Variants in IMMP2L observed in about 807,000 individuals in gnomAD.
IMMP2L encodes inner mitochondrial membrane peptidase subunit 2.
In IMMP2L, 18 loss-of-function variants were observed where a neutral mutation model predicts 19.3. The ratio of observed to expected loss-of-function variants is 0.93; its 90% CI spans 0.64 to 1.38. The LOEUF (loss-of-function observed/expected upper bound fraction) is 1.38. Among genes scored for constraint, IMMP2L ranks in the 40% most tolerant of loss-of-function variants. IMMP2L has a pLI of 0.00. For missense variants in IMMP2L, 233 were observed against 218.2 expected (o/e 1.07, Z -0.43); for synonymous variants, 76 against 73.0 (o/e 1.04, Z -0.21).
rs141448866 is a variant in IMMP2L at position 111,415,177 on chromosome 7, G to C, written c.239+72061C>G. 2.4e-4 allele frequency among the ~76,000 whole-genome samples: 36 copies of C among 151,878 alleles called. 1 individual carries two copies. Among genetic ancestry groups the C allele is most frequent in the African/African-American group, 8.5e-4 (35 of 41,212 alleles). ...GGTCTTAAAGAAGGGGGCCTGTATA[G>C]GAGCCATGTAGCAAGGACTTACAGG... On this transcript the variant is annotated intron_variant, in intron 3 of 5. Transcript: ENST00000405709.
At chr7:110,805,241 T>A (rs942160715) in intron 5 of IMMP2L, among the ~76,000 whole-genome samples, 1 of 152,124 alleles carries the variant, frequency 6.6e-6, no homozygotes, top group African/African-American at 2.4e-5. Context: ...CTTAAATTTT[T>A]AAGAACAAAC....
intron 3 of IMMP2L, among the ~76,000 whole-genome samples, chr7:111,156,232 G>A (rs1179886234): frequency 6.6e-6 from 1 of 151,890 alleles, no homozygotes; most frequent in African/African-American, 2.4e-5. Context: ...AGAATAGGTG[G>A]GTCATAGGAG....
chr7:111,151,813 G>A (rs1475003761), intron 3 of IMMP2L, among the ~76,000 whole-genome samples: 3 of 152,090 alleles, frequency 2.0e-5, no homozygotes, highest in African/African-American at 7.2e-5. Context: ...GTGCATGCCT[G>A]TAATCCCAGC....
intron 5 of IMMP2L, among the ~76,000 whole-genome samples, chr7:110,775,852 C>T (rs1399353590): frequency 6.6e-6 from 1 of 151,858 alleles, no homozygotes; most frequent in South Asian, 2.1e-4. Context: ...GCTGTTTCTC[C>T]TTGTTAGTAT....
chr7:110,816,954 T>C (rs1802579000), intron 5 of IMMP2L, among the ~76,000 whole-genome samples: 1 of 152,160 alleles, frequency 6.6e-6, no homozygotes, highest in African/African-American at 2.4e-5. Context: ...TTGGAGCATT[T>C]AGCCCATTTA....
At chr7:111,135,798 C>T (rs1259059429) in intron 3 of IMMP2L, among the ~76,000 whole-genome samples, 2 of 152,130 alleles carry the variant, frequency 1.3e-5, no homozygotes, top group East Asian at 3.8e-4. Flanking sequence ...TGTCATTCTG[C>T]CTTTGACAAA....
intron 3 of IMMP2L, among the ~76,000 whole-genome samples, chr7:111,240,618 C>T (rs1201425375): frequency 2.6e-5 from 4 of 151,880 alleles, no homozygotes; most frequent in Non-Finnish European, 4.4e-5. Flanking sequence ...GTTGTATCTA[C>T]GACAGTCCCA....
chr7:110,704,002 C>A (rs10228943), intron 5 of IMMP2L, among the ~76,000 whole-genome samples: 8,899 of 151,984 alleles, frequency 0.059, 885 homozygotes, highest in African/African-American at 0.2. Context: ...CCTGCCACCA[C>A]ACCCGGCTAA....
intron 3 of IMMP2L, among the ~76,000 whole-genome samples, chr7:111,175,309 C>T (rs1461001659): frequency 6.6e-6 from 1 of 151,822 alleles, no homozygotes; most frequent in African/African-American, 2.4e-5. Flanking sequence ...TCCATCATTC[C>T]TAACTATAAA....
intron 5 of IMMP2L, among the ~76,000 whole-genome samples, chr7:110,856,043 T>A (rs959057282): frequency 2.6e-5 from 4 of 152,058 alleles, no homozygotes; most frequent in African/African-American, 9.6e-5. Context: ...AGCTTCAATT[T>A]GCTTTTTTCA....
chr7:111,049,416 C>CTGGGATTA (rs1347575618), intron 3 of IMMP2L, among the ~76,000 whole-genome samples: 8 of 152,074 alleles, frequency 5.3e-5, no homozygotes, highest in Admixed American at 5.2e-4. Context: ...CAGGCGTGAG[C>CTGGGATTA]CACCGCGCCC....
rs116492978 is a variant in IMMP2L, at chr7:110,841,224, A to G, written c.408+45369T>C. On this transcript the variant is annotated intron_variant, in intron 5 of 5. Transcript: ENST00000405709. ...ATTATGTTTTGATATATATATACCCATAGTGAAATGATTACTATAGGTAAG... is the reference window on the plus strand; with the variant it reads ...ATTATGTTTTGATATATATATACCCGTAGTGAAATGATTACTATAGGTAAG... Among the ~76,000 whole-genome samples the G allele has an allele frequency of 8.1e-3, 1,234 of 152,098 alleles. 17 individuals are homozygous for G. Among genetic ancestry groups the G allele is most frequent in the African/African-American group, 0.025 (1,058 of 41,510 alleles).
At chr7:110,875,181 A>G (rs372697707) in intron 5 of IMMP2L, among the ~76,000 whole-genome samples, 1 of 152,160 alleles carries the variant, frequency 6.6e-6, no homozygotes, top group Non-Finnish European at 1.5e-5. Context: ...TTTAAGTACC[A>G]TGCACTTTGA....
At chr7:111,177,010 C>A (rs772251621) in intron 3 of IMMP2L, among the ~76,000 whole-genome samples, 1 of 151,704 alleles carries the variant, frequency 6.6e-6, no homozygotes, top group Non-Finnish European at 1.5e-5. Context: ...TACCAGTCCT[C>A]AAGTTTACCA....
At chr7:110,797,350 A>G (rs1399709415) in intron 5 of IMMP2L, among the ~76,000 whole-genome samples, 3 of 152,054 alleles carry the variant, frequency 2.0e-5, no homozygotes, top group Admixed American at 1.3e-4. Context: ...AGCTTTAAGG[A>G]AGAAATAATA....
intron 3 of IMMP2L, among the ~76,000 whole-genome samples, chr7:111,358,593 A>C (rs1828948876): frequency 6.6e-6 from 1 of 152,124 alleles, no homozygotes; most frequent in African/African-American, 2.4e-5. Flanking sequence ...ATATTTCAAC[A>C]CACATATAGT....
intron 5 of IMMP2L, among the ~76,000 whole-genome samples, chr7:110,703,939 G>A (rs1460854154): frequency 2.0e-5 from 3 of 151,612 alleles, no homozygotes; most frequent in South Asian, 2.1e-4. Flanking sequence ...TCCACCTCCC[G>A]GGTTCATGCC....
chr7:111,478,140 T>C (rs1011110630), intron 3 of IMMP2L, among the ~76,000 whole-genome samples: 1 of 152,142 alleles, frequency 6.6e-6, no homozygotes, highest in Non-Finnish European at 1.5e-5. Flanking sequence ...ACTATTATAT[T>C]ATTTACACTA....
chr7:110,720,608 CAT>C (rs1795506492), intron 5 of IMMP2L, among the ~76,000 whole-genome samples: 1 of 152,152 alleles, frequency 6.6e-6, no homozygotes, highest in Non-Finnish European at 1.5e-5. Context: ...TGGAAAATAA[CAT>C]GTAATCTAGT....
Sources: gnomAD v4.1 joint callset for allele counts (sites outside exome capture counted in the v4.1 genomes callset) on GRCh38, gnomAD v4.1.1 for gene constraint, MANE v1.5 for transcripts, NCBI Gene and HGNC (gene_info 2026-07-23, HGNC 2026-07-21) for gene names.